Variants in MEAK7 observed in about 807,000 individuals in gnomAD.
MEAK7 encodes MTOR-associated protein MEAK7.
A neutral mutation model predicts 40.5 loss-of-function variants in MEAK7; 68 were observed. That is an observed-to-expected ratio of 1.68 (90% CI 1.38 to 2.06). The LOEUF is 2.06. MEAK7 is among the 30% of genes most tolerant of loss of function. The pLI is 0.00. For missense variants in MEAK7, 918 were observed against 580.5 expected, an observed-to-expected ratio of 1.58 and a Z score of -5.98; for synonymous variants, 338 against 231.9, an observed-to-expected ratio of 1.46 and a Z score of -4.16.
At chr16:84,491,538 T>TAAAAAAAAA (rs57708607) in intron 3 of MEAK7, among the ~76,000 whole-genome samples, 4 of 122,866 alleles carry the variant, frequency 3.3e-5, no homozygotes, top group African/African-American at 6.1e-5. Context: ...GACCCTGTCT[T>TAAAAAAAAA]AAAAAAAAAA....
intron 3 of MEAK7, among the ~76,000 whole-genome samples, chr16:84,491,713 C>G (rs527359400): frequency 6.6e-6 from 1 of 151,284 alleles, no homozygotes; most frequent in Non-Finnish European, 1.5e-5. Flanking sequence ...TGGCGTGCAC[C>G]TGTAGTCCCA....
At chr16:84,489,166 C>G in intron 4 of MEAK7, 112 bp downstream of exon 4, 2 of 1,350,420 alleles carry the variant, frequency 1.5e-6, no homozygotes, top group Non-Finnish European at 1.9e-6. Context: ...GAAGAAGGTT[C>G]GAGGGCTCAC....
At chr16:84,494,657 C>G (rs769832943) in intron 3 of MEAK7, 1 of 333,454 alleles carries the variant, frequency 3.0e-6, no homozygotes, top group Non-Finnish European at 5.9e-6. Context: ...TGTTGTTTTT[C>G]TCTCTTCCTC....
chr16:84,490,453 T>G (rs1472223790), intron 3 of MEAK7, among the ~76,000 whole-genome samples: 1 of 46,962 alleles, frequency 2.1e-5, no homozygotes, highest in East Asian at 2.6e-4. Flanking sequence ...CTTTTTTTTT[T>G]TTTTTTTTTT....
intron 3 of MEAK7, among the ~76,000 whole-genome samples, chr16:84,490,654 A>G (rs415389): frequency 0.42 from 57,391 of 137,232 alleles, 12,604 homozygotes; most frequent in South Asian, 0.59. Context: ...GCTAATCAAG[A>G]TGTGTGTGTG....
In MEAK7 at chr16:84,489,340, G is replaced by A. The variant is rs755455766; in HGVS notation, c.467C>T (p.Pro156Leu). The stretch of plus-strand genomic sequence containing the variant: ...CACCTGCACCCGGGGGTTGGGCCCT[G>A]GGGCTTCCTTCCCAGTCCAGCCTCT... ...ELRGWTGKEA[P>L]GPNPRVQVLA... The change falls in exon 4 of 8, where the codon CCA becomes CTA. Residue 156 changes from proline to leucine, a missense_variant. Coordinates refer to ENST00000343629, the MANE Select transcript of MEAK7 (RefSeq NM_020947.4). The A allele has an allele frequency of 4.3e-6, 7 of 1,614,076 alleles. No individual in the cohort carries two copies. The East Asian group carries it at 1.1e-4, about 26-fold the overall frequency.
chr16:84,498,863 A>T (rs773779856), intron 1 of MEAK7, among the ~76,000 whole-genome samples: 1 of 152,204 alleles, frequency 6.6e-6, no homozygotes, highest in Non-Finnish European at 1.5e-5. Context: ...ACTAGTTGGG[A>T]AGTTTTTCCT....
chr16:84,497,254 G>C, intron 2 of MEAK7: 3 of 420,404 alleles, frequency 7.1e-6, no homozygotes, highest in Non-Finnish European at 1.2e-5. Context: ...CCTTGTCAGT[G>C]TCTTGCCTCA....
chr16:84,485,723 C>A (rs956278582), intron 5 of MEAK7, among the ~76,000 whole-genome samples: 4 of 151,890 alleles, frequency 2.6e-5, no homozygotes, highest in African/African-American at 4.8e-5. Context: ...CGCTCTGTTG[C>A]TCAGGCTGGA....
chr16:84,503,929 C>T (rs1038189968), intron 1 of MEAK7: 3 of 985,426 alleles, frequency 3.0e-6, no homozygotes, highest in Admixed American at 6.1e-5. Context: ...GCCCCGCATC[C>T]CTAGAGCCAC....
intron 3 of MEAK7, among the ~76,000 whole-genome samples, chr16:84,495,082 A>C (rs1467714929): frequency 6.6e-6 from 1 of 152,148 alleles, no homozygotes; most frequent in Non-Finnish European, 1.5e-5. Context: ...CAGCCTGGCC[A>C]ACGTGGTGAA....
chr16:84,476,633 A>C lies in MEAK7; in HGVS notation c.*3280T>G, dbSNP rs1912123729. 2.0e-5 allele frequency: 3 copies of C among 152,330 alleles called. No homozygotes were observed. In the South Asian group the frequency reaches 6.2e-4, roughly 32 times the overall value. 9.4% of individuals were successfully genotyped at this position (152,330 alleles called of 1,614,324 possible). On this transcript the variant is annotated 3_prime_UTR_variant, in exon 8 of 8. Coordinates refer to ENST00000343629, the MANE Select transcript of MEAK7 (RefSeq NM_020947.4). ...TGGAACGCTAGGCCCGAGAGCATCC[A>C]TATGGTGGGACATCACGCAGTCCAT...
At position 84,488,072 on chromosome 16, in the gene MEAK7, T is replaced by C. The variant is rs372610951; in HGVS notation, c.530-1013A>G. ...AACTTCTGATAATTCAAAATTCCTA[T>C]CATTTCTATTTATTTTTCAAACAGT... On this transcript the variant is annotated intron_variant, in intron 4 of 7. Transcript: ENST00000343629. 1.6e-4 allele frequency: 24 copies of C among 152,268 alleles called. No homozygotes were observed. In the South Asian group the frequency reaches 5.0e-3, roughly 32 times the overall value. 9.4% of individuals were successfully genotyped at this position (152,268 alleles called of 1,614,324 possible). A position where few individuals can be genotyped will look rare whatever the true frequency, so the allele number is the denominator to read the frequency against.
In MEAK7 at chr16:84,482,406, G is replaced by T. The variant is rs1389503230; in HGVS notation, c.1077+186C>A. On this transcript the variant is annotated intron_variant, in intron 6 of 7. Coordinates refer to ENST00000343629, the MANE Select transcript of MEAK7 (RefSeq NM_020947.4). Reference sequence around the variant, plus strand: ...AGCAGAGGCCACATCCTTCTCTAAGGGAAACCCTGGCCCAGCTGTCACTGC... The same window carrying T: ...AGCAGAGGCCACATCCTTCTCTAAGTGAAACCCTGGCCCAGCTGTCACTGC... Among the ~76,000 whole-genome samples, 5 of 152,250 alleles carry T rather than the reference G, an allele frequency of 3.3e-5. No individual in the cohort carries two copies. The East Asian group carries it at 9.7e-4, about 29-fold the overall frequency.
At chr16:84,502,439 G>A (rs1036331311) in intron 1 of MEAK7, among the ~76,000 whole-genome samples, 1 of 152,058 alleles carries the variant, frequency 6.6e-6, no homozygotes, top group East Asian at 1.9e-4. Flanking sequence ...GAGGATGTAG[G>A]GCAGCGGAAC....
chr16:84,494,870 T>C (rs1597957905), intron 3 of MEAK7: 1 of 441,366 alleles, frequency 2.3e-6, no homozygotes. Context: ...AACTCAGGAC[T>C]CCAATTCACT....
rs989820001 is a variant in MEAK7 at position 84,486,939 on chromosome 16, C to T, written c.650G>A (p.Gly217Asp). Residue 217 changes from glycine (G) to aspartate (D), a missense_variant, in exon 5 of 8, where the codon GGC becomes GAC. Coordinates refer to ENST00000343629, the MANE Select transcript of MEAK7 (RefSeq NM_020947.4). Reference sequence around the variant, plus strand: ...AAGAGACGAGCACAGGATGAGAAAGCCCTTGCAAATGACCACACTCAGGAA... The same window carrying T: ...AAGAGACGAGCACAGGATGAGAAAGTCCTTGCAAATGACCACACTCAGGAA... The part of the protein sequence containing the change: ...AIFLSVVICK[G>D]FLILCSSLDL... The T allele has an allele frequency of 3.1e-6, 5 of 1,614,062 alleles. No homozygotes were observed. The highest frequency in any genetic ancestry group is 3.4e-6 in the Non-Finnish European group (4 of 1,180,048).
chr16:84,501,889 A>T (rs952048593), intron 1 of MEAK7, among the ~76,000 whole-genome samples: 1 of 152,200 alleles, frequency 6.6e-6, no homozygotes. Context: ...TCACGCCTGT[A>T]ATCCCAGCAC....
rs774024022 is a variant in MEAK7, at chr16:84,486,787, G to C, written c.802C>G (p.Leu268Val). ...LPREQRHRWC[L>V]LFSSELHGHS... ...CCATGGAGCTCAGACGAAAAGAGCA[G>C]GCACCAGCGGTGCCGCTGCTCCCGA... The change falls in exon 5 of 8, where the codon CTG becomes GTG. Residue 268 changes from leucine to valine, a missense_variant. Physicochemically the swap from Leu to Val is conservative, Grantham distance 32. Transcript: ENST00000343629. The C allele has an allele frequency of 1.7e-5, 27 of 1,613,916 alleles. No homozygotes were observed. The highest frequency in any genetic ancestry group is 2.2e-5 in the South Asian group (2 of 91,088).
Sources: gnomAD v4.1 joint callset for allele counts (sites outside exome capture counted in the v4.1 genomes callset) on GRCh38, gnomAD v4.1.1 for gene constraint, MANE v1.5 for transcripts, NCBI Gene and HGNC (gene_info 2026-07-23, HGNC 2026-07-21) for gene names.